The following MED13L variants were observed in gnomAD, a reference collection of about 807,000 sequenced individuals.
MED13L encodes the protein mediator complex subunit 13L.
In MED13L, 7 loss-of-function variants were observed where a neutral mutation model predicts 220.9. The ratio of observed to expected loss-of-function variants is 0.03; its 90% confidence interval spans 0.02 to 0.06. The LOEUF (loss-of-function observed/expected upper bound fraction) is 0.06, where lower values mean the gene tolerates loss of function less well. Ranked by LOEUF, MED13L falls within the 10% of genes least tolerant of loss-of-function variation. The pLI is 1.00. For missense variants in MED13L, 1,965 were observed against 2,760.5 expected, an observed-to-expected ratio of 0.71 and a Z score of 6.46; for synonymous variants, 1,011 against 1,015.2, an observed-to-expected ratio of 1.00 and a Z score of 0.08.
intron 2 of MED13L, among the ~76,000 whole-genome samples, chr12:116,195,519 C>CT (rs1881563527): frequency 6.6e-6 from 1 of 152,084 alleles, no homozygotes; most frequent in South Asian, 2.1e-4. Context: ...AGCACAATCT[C>CT]GGCTCACTGC....
intron 9 of MED13L, 59 bp downstream of exon 9, chr12:116,012,738 G>C: frequency 1.7e-6 from 2 of 1,182,932 alleles, no homozygotes; most frequent in Non-Finnish European, 2.5e-6. Flanking sequence ...GCCAGGAGAT[G>C]AATCAACAAG....
At chr12:116,189,688 G>T (rs1293265847) in intron 2 of MED13L, among the ~76,000 whole-genome samples, 1 of 152,178 alleles carries the variant, frequency 6.6e-6, no homozygotes, top group East Asian at 1.9e-4. Flanking sequence ...ACATTGTTTG[G>T]ACTATGGATG....
At chr12:116,014,882 T>C (rs1405487297) in intron 8 of MED13L, among the ~76,000 whole-genome samples, 1 of 152,194 alleles carries the variant, frequency 6.6e-6, no homozygotes, top group East Asian at 1.9e-4. Context: ...ATCTGTACAG[T>C]ATCAGGAACT....
At chr12:116,199,025 A>G (rs895665894) in intron 2 of MED13L, among the ~76,000 whole-genome samples, 6 of 152,192 alleles carry the variant, frequency 3.9e-5, no homozygotes, top group African/African-American at 7.2e-5. Context: ...ACAGGTGGGC[A>G]CACTGATTAG....
intron 4 of MED13L, among the ~76,000 whole-genome samples, chr12:116,054,022 G>C (rs895950595): frequency 8.5e-5 from 13 of 152,058 alleles, no homozygotes; most frequent in African/African-American, 2.7e-4. Context: ...CATTAGAAAG[G>C]CTGCTTACAA....
At chr12:116,046,080 TATC>T (rs1447170861) in intron 4 of MED13L, among the ~76,000 whole-genome samples, 2 of 152,150 alleles carry the variant, frequency 1.3e-5, no homozygotes, top group African/African-American at 2.4e-5. Context: ...AATGCAGTCT[TATC>T]ATTCTCTAAC....
At chr12:116,020,118 A>T in intron 5 of MED13L, 146 bp from the exon 6 acceptor site, 1 of 811,256 alleles carries the variant, frequency 1.2e-6, no homozygotes, top group Non-Finnish European at 1.9e-6. Context: ...AGTATGATTT[A>T]AAAGAAATTT....
intron 1 of MED13L, among the ~76,000 whole-genome samples, chr12:116,250,135 A>G (rs10450730): frequency 6.6e-6 from 1 of 151,782 alleles, no homozygotes; most frequent in Non-Finnish European, 1.5e-5. Flanking sequence ...AAAAAGATAC[A>G]TTACATAAGA....
At chr12:116,147,640 T>A (rs1232055319) in intron 2 of MED13L, among the ~76,000 whole-genome samples, 1 of 152,160 alleles carries the variant, frequency 6.6e-6, no homozygotes, top group African/African-American at 2.4e-5. Context: ...CAGCACGATA[T>A]GCTAAAGATT....
intron 2 of MED13L, among the ~76,000 whole-genome samples, chr12:116,171,641 A>G (rs1302385787): frequency 1.3e-5 from 2 of 152,210 alleles, no homozygotes; most frequent in African/African-American, 4.8e-5. Flanking sequence ...AATGAGCACA[A>G]CACTCCAGAT....
At chr12:116,248,038 T>TAAAG (rs1331695693) in intron 1 of MED13L, among the ~76,000 whole-genome samples, 36 of 152,198 alleles carry the variant, frequency 2.4e-4, no homozygotes, top group African/African-American at 8.4e-4. Context: ...ATGCAACAAA[T>TAAAG]AAAGAGATGA....
intron 2 of MED13L, among the ~76,000 whole-genome samples, chr12:116,137,471 G>C (rs755040960): frequency 5.2e-4 from 79 of 152,166 alleles, no homozygotes; most frequent in Non-Finnish European, 9.4e-4. Context: ...ACTCTGGTCT[G>C]CTTTGTAACA....
intron 16 of MED13L, among the ~76,000 whole-genome samples, chr12:115,992,234 T>A (rs1158260414): frequency 1.3e-5 from 2 of 152,212 alleles, no homozygotes. Flanking sequence ...CCTAACCTCT[T>A]GAAGGAACTT....
At chr12:116,117,331 G>A (rs757057762) in intron 2 of MED13L, among the ~76,000 whole-genome samples, 51 of 152,042 alleles carry the variant, frequency 3.4e-4, no homozygotes, top group Non-Finnish European at 5.7e-4. Context: ...GAGGGGTGAT[G>A]CCCCCCACTC....
Position 115,997,229 on chromosome 12 carries a change from T to A in MED13L, c.2571A>T (p.Thr857=). ...DGRAAVPYPP[T]VADLQRMFPT... ...GAAACATCCTTTGCAAGTCTGCAAC[T>A]GCTAAAAATAAGAAATAAAAAAAAT... Residue 857 remains threonine, a splice_region_variant and synonymous_variant, in exon 15 of 31, where the codon ACA becomes ACT. Transcript: ENST00000281928. 6.2e-7 allele frequency: 1 copy of A among 1,613,724 alleles called. No homozygotes were observed. The highest frequency in any genetic ancestry group is 8.5e-7 in the Non-Finnish European group (1 of 1,179,822).
chr12:116,240,509 CA>C (rs1181546029), intron 1 of MED13L, among the ~76,000 whole-genome samples: 1 of 151,168 alleles, frequency 6.6e-6, no homozygotes, highest in Non-Finnish European at 1.5e-5. Flanking sequence ...AGTTGAAATC[CA>C]AAAAGGTAAG....
chr12:116,098,275 A>C (rs1350581331), intron 3 of MED13L, among the ~76,000 whole-genome samples: 14 of 151,958 alleles, frequency 9.2e-5, no homozygotes, highest in Admixed American at 9.2e-4. Context: ...TAAAAATAAA[A>C]ACAAAAACAT....
chr12:116,163,005 G>C (rs1878999800), intron 2 of MED13L, among the ~76,000 whole-genome samples: 1 of 152,196 alleles, frequency 6.6e-6, no homozygotes, highest in African/African-American at 2.4e-5. Flanking sequence ...CTTGAGAGTA[G>C]CTGGGACTAC....
intron 2 of MED13L, among the ~76,000 whole-genome samples, chr12:116,204,084 G>A (rs1031344427): frequency 6.6e-6 from 1 of 152,166 alleles, no homozygotes; most frequent in Non-Finnish European, 1.5e-5. Context: ...TACCACAATA[G>A]CTACTGATCT....
Sources: gnomAD v4.1 joint callset for allele counts (sites outside exome capture counted in the v4.1 genomes callset) on GRCh38, gnomAD v4.1.1 for gene constraint, MANE v1.5 for transcripts, NCBI Gene and HGNC (gene_info 2026-07-23, HGNC 2026-07-21) for gene names.